Variants in RABEP1 observed in about 807,000 individuals in gnomAD.
The protein encoded by RABEP1 is rabaptin, RAB GTPase binding effector protein 1, also known as rab GTPase-binding effector protein 1.
A neutral mutation model predicts 123.4 loss-of-function variants in RABEP1; 51 were observed. The ratio of observed to expected loss-of-function variants is 0.41; its 90% CI spans 0.33 to 0.52. The LOEUF is 0.52. Among genes scored for constraint, RABEP1 ranks in the 20% least tolerant of loss-of-function variants. The probability of loss-of-function intolerance (pLI) is 0.16; values close to 1 mark genes in which losing one functional copy is unlikely to be tolerated. For missense variants in RABEP1, 888 were observed against 996.3 expected (o/e 0.89, Z 1.46); for synonymous variants, 347 against 355.2 (o/e 0.98, Z 0.26).
chr17:5,315,908 GATAGA>G lies in RABEP1; in HGVS notation c.163+7088_163+7092del, dbSNP rs142830994. Among the ~76,000 whole-genome samples, 248 of 152,160 alleles carry G rather than the reference GATAGA, an allele frequency of 1.6e-3. 1 individual carries two copies. Among genetic ancestry groups the G allele is most frequent in the African/African-American group, 5.7e-3 (235 of 41,506 alleles). On this transcript the variant is annotated intron_variant, in intron 2 of 17. Transcript: ENST00000537505. ...TCATACCTTGACACATCTTTTGTAAGATAGAACATCAAGAATCAAAAGAAAATGTG... is the reference window on the plus strand; with the variant it reads ...TCATACCTTGACACATCTTTTGTAAGACATCAAGAATCAAAAGAAAATGTG...
chr17:5,289,332 G>A (rs1226028180), intron 1 of RABEP1, among the ~76,000 whole-genome samples: 1 of 150,754 alleles, frequency 6.6e-6, no homozygotes, highest in Non-Finnish European at 1.5e-5. Flanking sequence ...GGTATGTGTT[G>A]CAAATTTTGG....
chr17:5,338,251 TAAG>T (rs1225603782), intron 5 of RABEP1, 113 bp downstream of exon 5: 3 of 1,303,314 alleles, frequency 2.3e-6, no homozygotes, highest in African/African-American at 3.0e-5. Context: ...CTATGCATCT[TAAG>T]AATCTTTCTT....
chr17:5,346,484 C>T (rs935047055), intron 5 of RABEP1, among the ~76,000 whole-genome samples: 1 of 152,120 alleles, frequency 6.6e-6, no homozygotes, highest in African/African-American at 2.4e-5. Flanking sequence ...GAAACAGATA[C>T]ATGCATATGT....
At chr17:5,342,520 G>A (rs1907703883) in intron 5 of RABEP1, among the ~76,000 whole-genome samples, 1 of 152,088 alleles carries the variant, frequency 6.6e-6, no homozygotes, top group Non-Finnish European at 1.5e-5. Flanking sequence ...AGCCTGTAGT[G>A]CCAATCTCTC....
At position 5,373,002 on chromosome 17, in the gene RABEP1, C is replaced by T. The variant is rs1007851194; in HGVS notation, c.1885-312C>T. Among the ~76,000 whole-genome samples, 3 of 152,336 alleles carry T rather than the reference C, an allele frequency of 2.0e-5. No individual in the cohort carries two copies. In the East Asian group the frequency reaches 5.8e-4, roughly 29 times the overall value. On this transcript the variant is annotated intron_variant, in intron 12 of 17. Coordinates refer to ENST00000537505, the MANE Select transcript of RABEP1 (RefSeq NM_004703.6). ...CAAACTCCTGAGCTCAGGCAATCCA[C>T]CCACCTCAGCCTCCCAAAGTGTTGG...
intron 1 of RABEP1, among the ~76,000 whole-genome samples, chr17:5,307,105 G>A (rs559457544): frequency 1.3e-5 from 2 of 152,268 alleles, no homozygotes; most frequent in East Asian, 3.9e-4. Context: ...GATCATTTGA[G>A]GTCAAGAGTT....
chr17:5,378,345 G>T, intron 15 of RABEP1, 113 bp downstream of exon 15: 1 of 1,052,622 alleles, frequency 9.5e-7, no homozygotes, highest in Non-Finnish European at 1.5e-6. Flanking sequence ...CTGCCTTAAG[G>T]AACTTTTGTC....
At chr17:5,358,672 GAA>G (rs10638024) in intron 8 of RABEP1, among the ~76,000 whole-genome samples, 2 of 142,098 alleles carry the variant, frequency 1.4e-5, no homozygotes, top group Non-Finnish European at 1.5e-5. Flanking sequence ...CTGTCTCCAG[GAA>G]AAAAAAAAAA....
chr17:5,379,188 A>G (rs532340380), intron 15 of RABEP1, among the ~76,000 whole-genome samples: 1 of 152,192 alleles, frequency 6.6e-6, no homozygotes, highest in Admixed American at 6.5e-5. Context: ...CTCCTCAGGC[A>G]TCAGGCAGGG....
At chr17:5,372,051 G>A (rs1910565648) in intron 12 of RABEP1, among the ~76,000 whole-genome samples, 1 of 152,000 alleles carries the variant, frequency 6.6e-6, no homozygotes, top group Non-Finnish European at 1.5e-5. Flanking sequence ...CTGATACTCG[G>A]ATTTGGTGGA....
At position 5,384,366 on chromosome 17, in the gene RABEP1, TTCA is replaced by T. The variant is rs754838768; in HGVS notation, c.*1147_*1149del. The T allele has an allele frequency of 1.1e-4, 23 of 212,616 alleles. No individual in the cohort carries two copies. Among genetic ancestry groups the T allele is most frequent in the Admixed American group, 5.3e-4 (9 of 17,090 alleles). The allele number at this position is 212,616 out of a possible 1,614,324, so 13.2% of individuals were successfully genotyped here. ...AGAAAGCACAAAGAATTGATTCATG[TTCA>T]TCAATACCTGCTGAGAGTACTGTCC... On this transcript the variant is annotated 3_prime_UTR_variant, in exon 18 of 18. Coordinates refer to ENST00000537505, the MANE Select transcript of RABEP1 (RefSeq NM_004703.6).
rs1009413015 is a variant in RABEP1, at chr17:5,384,268, G to A, written c.*1045G>A. 1 of 213,558 alleles carries A rather than the reference G, an allele frequency of 4.7e-6. No homozygotes were observed. Among genetic ancestry groups the A allele is most frequent in the African/African-American group, 2.3e-5 (1 of 44,316 alleles). 13.2% of individuals were successfully genotyped at this position (213,558 alleles called of 1,614,324 possible). A position where few individuals can be genotyped will look rare whatever the true frequency, so the allele number is the denominator to read the frequency against. On this transcript the variant is annotated 3_prime_UTR_variant, in exon 18 of 18. Transcript: ENST00000537505. ...GGAAATCTGTCTTGTCATTTTACAA[G>A]CATTAGATTCCTTTCCTGTGTGAAG... is the stretch of plus-strand genomic sequence containing the variant.
intron 12 of RABEP1, chr17:5,371,738 A>C (rs1000306674): frequency 6.6e-6 from 1 of 152,176 alleles, no homozygotes; most frequent in African/African-American, 2.4e-5. Flanking sequence ...TCCTGCCCCA[A>C]ATTAGGTACC....
At chr17:5,350,190 C>G (rs540965086) in intron 6 of RABEP1, among the ~76,000 whole-genome samples, 87 of 152,204 alleles carry the variant, frequency 5.7e-4, no homozygotes, top group Non-Finnish European at 1.0e-3. Flanking sequence ...ACCATCCTGG[C>G]TAACATGGTG....
intron 8 of RABEP1, among the ~76,000 whole-genome samples, chr17:5,358,628 G>A (rs1306175145): frequency 6.6e-6 from 1 of 151,264 alleles, no homozygotes; most frequent in Non-Finnish European, 1.5e-5. Flanking sequence ...CTGAGAATGC[G>A]CCACTGCACT....
intron 1 of RABEP1, among the ~76,000 whole-genome samples, chr17:5,292,392 A>C (rs926691988): frequency 6.7e-5 from 10 of 149,718 alleles, no homozygotes; most frequent in Non-Finnish European, 1.2e-4. Flanking sequence ...TTTTTAGTTT[A>C]TTTACTTTTT....
intron 2 of RABEP1, among the ~76,000 whole-genome samples, chr17:5,309,959 C>T (rs1269865254): frequency 6.6e-6 from 1 of 152,198 alleles, no homozygotes; most frequent in Non-Finnish European, 1.5e-5. Flanking sequence ...TTGAAAACTG[C>T]TCTAGTCTAT....
At chr17:5,378,730 T>C (rs1911202652) in intron 15 of RABEP1, 1 of 179,748 alleles carries the variant, frequency 5.6e-6, no homozygotes. Context: ...AACTGTGACA[T>C]CTCACTGCAG....
chr17:5,319,520 C>G (rs2075333064), intron 2 of RABEP1, among the ~76,000 whole-genome samples: 1 of 151,750 alleles, frequency 6.6e-6, no homozygotes. Context: ...GCGCCCGCCA[C>G]CACACCTGGC....
Sources: gnomAD v4.1 joint callset for allele counts (sites outside exome capture counted in the v4.1 genomes callset) on GRCh38, gnomAD v4.1.1 for gene constraint, MANE v1.5 for transcripts, NCBI Gene and HGNC (gene_info 2026-07-23, HGNC 2026-07-21) for gene names.